Variants in ZDHHC4 observed in about 807,000 individuals in gnomAD.
ZDHHC4 encodes the protein palmitoyltransferase ZDHHC4.
A neutral mutation model predicts 36.7 loss-of-function variants in ZDHHC4; 42 were observed. The ratio of observed to expected loss-of-function variants is 1.14; its 90% CI spans 0.89 to 1.48. The LOEUF (loss-of-function observed/expected upper bound fraction) is 1.48. Among genes scored for constraint, ZDHHC4 ranks in the 40% most tolerant of loss-of-function variants. The pLI is 0.00. For synonymous variants in ZDHHC4, 189 were observed against 166.6 expected, an observed-to-expected ratio of 1.13 and a Z score of -1.03; for missense variants, 457 against 421.5, an observed-to-expected ratio of 1.08 and a Z score of -0.74.
At chr7:6,587,314 T>A (rs1389808209) in intron 7 of ZDHHC4, among the ~76,000 whole-genome samples, 1 of 152,118 alleles carries the variant, frequency 6.6e-6, no homozygotes, top group Non-Finnish European at 1.5e-5. Flanking sequence ...GGGTTTTGGG[T>A]TTTTTGGGGT....
chr7:6,588,233 GA>G (rs879836289), intron 7 of ZDHHC4, among the ~76,000 whole-genome samples: 15 of 152,264 alleles, frequency 9.9e-5, no homozygotes, highest in African/African-American at 3.4e-4. Flanking sequence ...ATGATACAAC[GA>G]ATATCCTTGT....
Position 6,588,660 on chromosome 7 carries a change from T to G in ZDHHC4, c.785T>G (p.Phe262Cys). Residue 262 changes from phenylalanine to cysteine, a missense_variant, in exon 8 of 8, where the codon TTT becomes TGT. Coordinates refer to ENST00000335965, the MANE Select transcript of ZDHHC4 (RefSeq NM_001134389.2). ...CCACGGATTGTCTTCATGCTGGGCT[T>G]TGTCGTGGTTCTGAGCTTCCTCCTG... Reference protein sequence around the residue: ...TFPRIVFMLGFVVVLSFLLGG... With the variant: ...TFPRIVFMLGCVVVLSFLLGG... 6.2e-7 allele frequency: 1 copy of G among 1,614,214 alleles called. No homozygotes were observed. The highest frequency in any genetic ancestry group is 8.5e-7 in the Non-Finnish European group (1 of 1,180,040).
At chr7:6,582,604 G>A (rs545124118) in intron 5 of ZDHHC4, among the ~76,000 whole-genome samples, 44 of 152,198 alleles carry the variant, frequency 2.9e-4, no homozygotes, top group African/African-American at 1.1e-3. Flanking sequence ...TGCAACCTCC[G>A]CCTCCCGGGT....
chr7:6,580,434 T>A, intron 2 of ZDHHC4, 121 bp from the exon 3 acceptor site: 1 of 808,424 alleles, frequency 1.2e-6, no homozygotes, highest in Non-Finnish European at 2.1e-6. Context: ...TGCTTTGAGA[T>A]GTCATTAAAG....
chr7:6,579,361 CG>C (rs1780679902), intron 2 of ZDHHC4, among the ~76,000 whole-genome samples: 1 of 152,032 alleles, frequency 6.6e-6, no homozygotes, highest in African/African-American at 2.4e-5. Context: ...CCACCACGCC[CG>C]GTTAATTTTT....
chr7:6,583,311 A>G lies in ZDHHC4; in HGVS notation c.376A>G (p.Ile126Val). 1 of 1,614,020 alleles carries G rather than the reference A, an allele frequency of 6.2e-7. No homozygotes were observed. The highest frequency in any genetic ancestry group is 8.5e-7 in the Non-Finnish European group (1 of 1,179,966). ...TATGTCCTTACTTTTCCCAGGCATT[A>G]TAACAAAAGCAAATGAATTATTATT... ...TLTCGTNPGI[I>V]TKANELLFLH... Residue 126 changes from isoleucine to valine, a missense_variant, in exon 6 of 8, where the codon ATA (isoleucine) becomes GTA (valine). By Grantham distance (29) the Ile-to-Val change is conservative (BLOSUM62 3). Transcript: ENST00000335965.
intron 1 of ZDHHC4, 174 bp downstream of exon 1, chr7:6,577,672 A>G (rs942354361): frequency 1.3e-5 from 2 of 152,024 alleles, no homozygotes; most frequent in Non-Finnish European, 2.9e-5. Flanking sequence ...ACGTCCCCCT[A>G]CCAGGGCTCC....
At chr7:6,588,047 G>T (rs966466292) in intron 7 of ZDHHC4, among the ~76,000 whole-genome samples, 1 of 152,114 alleles carries the variant, frequency 6.6e-6, no homozygotes. Flanking sequence ...TGTATTTTTA[G>T]TAGAGAAGGG....
In ZDHHC4 at chr7:6,588,627, T is replaced by G. The variant is rs779148492; in HGVS notation, c.752T>G (p.Leu251Arg). 3 of 1,614,144 alleles carry G rather than the reference T, an allele frequency of 1.9e-6. No homozygotes were observed. The South Asian group carries it at 3.3e-5, about 18-fold the overall frequency. ...DTVFLIQYLF[L>R]TFPRIVFMLG... is the part of the protein sequence containing the mutation. ...TTTCTCTGCTCCTAGTACCTGTTCCTGACTTTTCCACGGATTGTCTTCATG... is the reference window on the plus strand; with the variant it reads ...TTTCTCTGCTCCTAGTACCTGTTCCGGACTTTTCCACGGATTGTCTTCATG... Residue 251 changes from leucine to arginine, a missense_variant, in exon 8 of 8, where the codon CTG becomes CGG. Transcript: ENST00000335965.
intron 7 of ZDHHC4, among the ~76,000 whole-genome samples, chr7:6,587,268 T>C (rs1231268463): frequency 1.3e-5 from 2 of 152,124 alleles, no homozygotes; most frequent in Non-Finnish European, 2.9e-5. Context: ...TGTTATACTG[T>C]TTTTTTGTTT....
intron 6 of ZDHHC4, 47 bp from the exon 7 acceptor site, chr7:6,584,969 G>C: frequency 6.2e-7 from 1 of 1,606,636 alleles, no homozygotes. Context: ...CGGTGTCCTT[G>C]TCTCGTCAAG....
intron 7 of ZDHHC4, among the ~76,000 whole-genome samples, chr7:6,587,437 G>A (rs532948307): frequency 9.9e-5 from 15 of 152,084 alleles, no homozygotes; most frequent in African/African-American, 3.4e-4. Context: ...CTTTTCTTGT[G>A]ACTTTCAAAA....
chr7:6,587,043 G>A (rs1218731731), intron 7 of ZDHHC4, among the ~76,000 whole-genome samples: 2 of 151,142 alleles, frequency 1.3e-5, no homozygotes, highest in Non-Finnish European at 2.9e-5. Context: ...TGGGTCATAT[G>A]GTAACTTTTT....
At position 6,585,304 on chromosome 7, in the gene ZDHHC4, A is replaced by G. The variant is rs749691921; in HGVS notation, c.741+44A>G. ...TCTGACTTCAAGTTTCAGAATCGCA[A>G]AAAAGACATTTATTTTTCCAGTAAA... On this transcript the variant is annotated intron_variant, in intron 7 of 7. Coordinates refer to ENST00000335965, the MANE Select transcript of ZDHHC4 (RefSeq NM_001134389.2). 15 of 1,594,892 alleles carry G rather than the reference A, an allele frequency of 9.4e-6. No individual in the cohort carries two copies. The East Asian group carries it at 2.7e-4, about 29-fold the overall frequency.
At chr7:6,584,083 A>T (rs1410108380) in intron 6 of ZDHHC4, 3 of 152,112 alleles carry the variant, frequency 2.0e-5, no homozygotes, top group African/African-American at 7.2e-5. Flanking sequence ...GAAAGTTTTT[A>T]AAAATGTTTT....
rs1297423998 is a variant in ZDHHC4 at position 6,582,150 on chromosome 7, A to G, written c.269A>G (p.Tyr90Cys). The part of the protein sequence containing the change: ...YTEYTWEVFG[Y>C]CQELELSLHY... ...GAGTACACCTGGGAAGTATTTGGCT[A>G]CTGTCAGGAGCTGGAGTTGTCCTTG... Residue 90 changes from tyrosine to cysteine, a missense_variant, in exon 5 of 8, where the codon TAC (tyrosine) becomes TGC (cysteine). By Grantham distance (194) the Tyr-to-Cys change is radical. Transcript: ENST00000335965. 2 of 1,614,214 alleles carry G rather than the reference A, an allele frequency of 1.2e-6. No individual in the cohort carries two copies. Among genetic ancestry groups the G allele is most frequent in the Non-Finnish European group, 1.7e-6 (2 of 1,180,042 alleles).
chr7:6,584,815 T>C, intron 6 of ZDHHC4: 1 of 655,922 alleles, frequency 1.5e-6, no homozygotes, highest in Non-Finnish European at 2.5e-6. Context: ...TGTAGTCAGA[T>C]TGCAAGTGCT....
chr7:6,588,563 C>T (rs1053750586), intron 7 of ZDHHC4, 54 bp from the exon 8 acceptor site: 2 of 1,581,618 alleles, frequency 1.3e-6, no homozygotes, highest in Admixed American at 3.4e-5. Context: ...AGTGTTCACT[C>T]TCATGGATGT....
intron 2 of ZDHHC4, among the ~76,000 whole-genome samples, chr7:6,579,288 C>G (rs1044120184): frequency 5.3e-5 from 8 of 151,862 alleles, no homozygotes; most frequent in Non-Finnish European, 1.0e-4. Context: ...GCAACCTCCG[C>G]TTCCTGGGTT....
Sources: gnomAD v4.1 joint callset for allele counts (sites outside exome capture counted in the v4.1 genomes callset) on GRCh38, gnomAD v4.1.1 for gene constraint, MANE v1.5 for transcripts, NCBI Gene and HGNC (gene_info 2026-07-23, HGNC 2026-07-21) for gene names.